Variants in SHLD1 observed in about 807,000 individuals in gnomAD.
SHLD1 encodes the protein RINN1-REV7-interacting novel NHEJ regulator 3.
In SHLD1, 3 loss-of-function variants were observed where a neutral mutation model predicts 5.5. The observed-to-expected ratio is 0.54, with a 90% confidence interval of 0.25 to 1.40. The LOEUF is 1.40. Among genes scored for constraint, SHLD1 ranks in the 40% most tolerant of loss-of-function variants. The pLI is 0.15. For synonymous variants in SHLD1, 92 were observed against 94.3 expected (o/e 0.98, Z 0.14); for missense variants, 210 against 244.4 (o/e 0.86, Z 0.94).
intron 2 of SHLD1, among the ~76,000 whole-genome samples, chr20:5,824,053 C>T (rs982220923): frequency 6.6e-6 from 1 of 152,204 alleles, no homozygotes; most frequent in Non-Finnish European, 1.5e-5. Flanking sequence ...CCTTTCAGTG[C>T]GCTTAGGACA....
chr20:5,846,510 T>C (rs777444155), intron 2 of SHLD1, among the ~76,000 whole-genome samples: 1 of 152,260 alleles, frequency 6.6e-6, no homozygotes, highest in Non-Finnish European at 1.5e-5. Context: ...TCACAAGTGC[T>C]GCTTACCATC....
rs988615376 is a variant in SHLD1, at chr20:5,784,271, A to G, written c.178+11228A>G. Among the ~76,000 whole-genome samples, 103 of 151,988 alleles carry G rather than the reference A, an allele frequency of 6.8e-4. 1 individual carries two copies. The highest frequency in any genetic ancestry group is 2.1e-3 in the Admixed American group (32 of 15,280). On this transcript the variant is annotated intron_variant, in intron 2 of 2. Transcript: ENST00000303142. ...CCCAAGGCCATGTAGTAACCTGGCA[A>G]CTCCTATTTTCTGGGTGACCCTCTG...
At chr20:5,771,370 T>C (rs237419) in intron 1 of SHLD1, among the ~76,000 whole-genome samples, 87,892 of 152,058 alleles carry the variant, frequency 0.58, 25,807 homozygotes, top group African/African-American at 0.69. Flanking sequence ...AATGCAACCT[T>C]TTTAGTAATT....
At chr20:5,833,951 A>G (rs912182400) in intron 2 of SHLD1, among the ~76,000 whole-genome samples, 1 of 152,164 alleles carries the variant, frequency 6.6e-6, no homozygotes, top group Non-Finnish European at 1.5e-5. Flanking sequence ...CTCTTCTGGA[A>G]CCCCATTCAT....
chr20:5,756,755 T>C (rs1984134579), intron 1 of SHLD1: 1 of 266,732 alleles, frequency 3.7e-6, no homozygotes. Context: ...ACAATGACAA[T>C]CTCAGCTCAC....
chr20:5,814,002 G>GAGTGC (rs1758277694), intron 2 of SHLD1, among the ~76,000 whole-genome samples: 2 of 139,124 alleles, frequency 1.4e-5, no homozygotes, highest in African/African-American at 5.4e-5. Context: ...TCCCACGCTG[G>GAGTGC]AGTGCAGTGG....
At chr20:5,847,326 A>T (rs2087943847) in intron 2 of SHLD1, among the ~76,000 whole-genome samples, 1 of 152,180 alleles carries the variant, frequency 6.6e-6, no homozygotes, top group Non-Finnish European at 1.5e-5. Flanking sequence ...TATTAAATAG[A>T]ATAGAAAACC....
rs535302169 is a variant in SHLD1 at position 5,834,760 on chromosome 20, A to G, written c.179-28264A>G. ...TTATGTGGCTTATAAGCAATAGAAT[A>G]TTATTTCTTACAGTTCTAGAGGCTG... is the stretch of plus-strand genomic sequence containing the variant. On this transcript the variant is annotated intron_variant, in intron 2 of 2. Transcript: ENST00000303142. Among the ~76,000 whole-genome samples, 25 of 152,312 alleles carry G rather than the reference A, an allele frequency of 1.6e-4. No homozygotes were observed. In the South Asian group the frequency reaches 4.4e-3, roughly 27 times the overall value.
chr20:5,853,842 C>CT lies in SHLD1; in HGVS notation c.179-9167dup, dbSNP rs753008247. Among the ~76,000 whole-genome samples the CT allele has an allele frequency of 4.1e-3, 576 of 141,902 alleles. 3 individuals carry two copies. The highest frequency in any genetic ancestry group is 0.029 in the Middle Eastern group (8 of 280). 93.1% of individuals were successfully genotyped at this position (141,902 alleles called of 152,430 possible). ...CATAATAGCAGAGTCTCCACGTCTA[C>CT]TTTTTTTTTTTTTTTGGAGATAGGG... On this transcript the variant is annotated intron_variant, in intron 2 of 2. Transcript: ENST00000303142.
At chr20:5,814,411 A>T (rs1477183575) in intron 2 of SHLD1, among the ~76,000 whole-genome samples, 1 of 152,164 alleles carries the variant, frequency 6.6e-6, no homozygotes, top group Non-Finnish European at 1.5e-5. Context: ...AAAGAAAAAT[A>T]TTGACCACTC....
At chr20:5,852,528 C>T (rs1156494461) in intron 2 of SHLD1, among the ~76,000 whole-genome samples, 1 of 152,042 alleles carries the variant, frequency 6.6e-6, no homozygotes, top group Admixed American at 6.6e-5. Context: ...GTGTGATCTG[C>T]AACCTCCACC....
intron 2 of SHLD1, among the ~76,000 whole-genome samples, chr20:5,840,101 A>T (rs1192723311): frequency 1.3e-5 from 2 of 152,114 alleles, no homozygotes; most frequent in African/African-American, 2.4e-5. Context: ...ATGACTAGAG[A>T]CTTCATCCCC....
At chr20:5,853,475 C>T (rs117963663) in intron 2 of SHLD1, among the ~76,000 whole-genome samples, 3,992 of 151,674 alleles carry the variant, frequency 0.026, 79 homozygotes, top group Middle Eastern at 0.062. Context: ...ATAAACAAAT[C>T]GTGTGTGTGT....
At chr20:5,849,965 CAAAAAAA>C (rs752647466) in intron 2 of SHLD1, among the ~76,000 whole-genome samples, 2 of 50,236 alleles carry the variant, frequency 4.0e-5, no homozygotes, top group African/African-American at 1.4e-4. Context: ...GACTCCGTCT[CAAAAAAA>C]AAAAAAAAAA....
In SHLD1 at chr20:5,863,899, C is replaced by T. The variant is rs2088197129; in HGVS notation, c.*436C>T. ...CTCTGGGAGCCTTTCCTTAATAAACCTCTTATATCTGAATCCTTGACTCAG... is the reference window on the plus strand; with the variant it reads ...CTCTGGGAGCCTTTCCTTAATAAACTTCTTATATCTGAATCCTTGACTCAG... On this transcript the variant is annotated 3_prime_UTR_variant, in exon 3 of 3. Coordinates refer to ENST00000303142, the MANE Select transcript of SHLD1 (RefSeq NM_152504.4). The T allele has an allele frequency of 6.4e-6, 1 of 156,328 alleles. No individual in the cohort carries two copies. Among genetic ancestry groups the T allele is most frequent in the Non-Finnish European group, 1.4e-5 (1 of 71,158 alleles). The allele number at this position is 156,328 out of a possible 1,614,324, so 9.7% of individuals were successfully genotyped here.
At position 5,789,944 on chromosome 20, in the gene SHLD1, G is replaced by A. The variant is rs549160981; in HGVS notation, c.178+16901G>A. Among the ~76,000 whole-genome samples the A allele has an allele frequency of 4.6e-5, 7 of 152,298 alleles. No individual in the cohort carries two copies. In the East Asian group the frequency reaches 5.8e-4, roughly 13 times the overall value. On this transcript the variant is annotated intron_variant, in intron 2 of 2. Transcript: ENST00000303142. ...ACATGACCAGGAAAGCCCAGCCCCCGGGAAGGGGAGATTAATAGGAGGCCA... is the reference window on the plus strand; with the variant it reads ...ACATGACCAGGAAAGCCCAGCCCCCAGGAAGGGGAGATTAATAGGAGGCCA...
chr20:5,857,759 G>A (rs1179080910), intron 2 of SHLD1, among the ~76,000 whole-genome samples: 1 of 151,784 alleles, frequency 6.6e-6, no homozygotes. Flanking sequence ...GCAGTGAGCT[G>A]TGTTGCGCCA....
chr20:5,802,869 A>T (rs1345843393), intron 2 of SHLD1, among the ~76,000 whole-genome samples: 2 of 152,162 alleles, frequency 1.3e-5, no homozygotes, highest in Non-Finnish European at 2.9e-5. Context: ...GGCGTGAGCC[A>T]CTGTGCCCGG....
intron 2 of SHLD1, among the ~76,000 whole-genome samples, chr20:5,822,896 A>G (rs544975017): frequency 5.9e-5 from 9 of 151,796 alleles, no homozygotes; most frequent in Non-Finnish European, 1.0e-4. Context: ...GCAGAAGGCT[A>G]TGAAAGATGT....
Sources: gnomAD v4.1 joint callset for allele counts (sites outside exome capture counted in the v4.1 genomes callset) on GRCh38, gnomAD v4.1.1 for gene constraint, MANE v1.5 for transcripts, NCBI Gene and HGNC (gene_info 2026-07-23, HGNC 2026-07-21) for gene names.